STX1A: variants seen among roughly 807,000 people sequenced by gnomAD.
STX1A encodes the protein syntaxin 1A.
In STX1A, 4 loss-of-function variants were observed where a neutral mutation model predicts 37.8. The observed-to-expected ratio is 0.11, with a 90% CI of 0.05 to 0.24. STX1A has a LOEUF of 0.24. Ranked by LOEUF, STX1A falls within the 10% of genes least tolerant of loss-of-function variation. The pLI is 1.00. For synonymous variants in STX1A, 135 were observed against 147.4 expected (o/e 0.92, Z 0.61); for missense variants, 251 against 399.9 (o/e 0.63, Z 3.18).
intron 1 of STX1A, among the ~76,000 whole-genome samples, chr7:73,714,883 G>C (rs543813888): frequency 6.6e-6 from 1 of 152,064 alleles, no homozygotes; most frequent in Non-Finnish European, 1.5e-5. Context: ...CCAGCACTTC[G>C]GGAGGCCAAG....
intron 2 of STX1A, 104 bp downstream of exon 2, chr7:73,708,941 G>C: frequency 7.8e-7 from 1 of 1,289,762 alleles, no homozygotes; most frequent in South Asian, 1.2e-5. Context: ...CGGAGCTGCT[G>C]AGCCAGGTGC....
In STX1A at chr7:73,702,192, T is replaced by C. The variant is rs1798684004; in HGVS notation, c.678+653A>G. 6.6e-6 allele frequency among the ~76,000 whole-genome samples: 1 copy of C among 152,164 alleles called. No homozygotes were observed. The highest frequency in any genetic ancestry group is 1.5e-5 in the Non-Finnish European group (1 of 68,018). On this transcript the variant is annotated intron_variant, in intron 8 of 9. Transcript: ENST00000222812. This position sits in a 1 kb window ranked among gnomAD's most constrained non-coding sequence, Gnocchi z 4.7. ...CAGCTGGCTCCTTTTCCCCCTTTTT[T>C]GGCATCAGCTCAAATGTCCCCTCCT...
At chr7:73,707,452 G>T (rs1554617163) in intron 3 of STX1A, among the ~76,000 whole-genome samples, 1 of 152,154 alleles carries the variant, frequency 6.6e-6, no homozygotes, top group African/African-American at 2.4e-5. Context: ...CCCTCCCACA[G>T]CGCTGACGAC....
Position 73,705,129 on chromosome 7 carries a change from C to T in STX1A, c.283+21G>A, listed in dbSNP as rs182247469. 134 of 1,613,138 alleles carry T rather than the reference C, an allele frequency of 8.3e-5. 1 individual carries two copies. Among genetic ancestry groups the T allele is most frequent in the Middle Eastern group, 6.6e-4 (4 of 6,058 alleles). ...CAGGCCTAGAATGCCCCCCACCCAC[C>T]CCCAGACAAGCCTGACTCACTCTTT... On this transcript the variant is annotated intron_variant, in intron 4 of 9. Transcript: ENST00000222812. The surrounding 1 kb of genome is among the most constrained non-coding windows in gnomAD (Gnocchi z 5.2).
rs1225244729 is a variant in STX1A, at chr7:73,709,600, G to A, written c.31-478C>T. ...GTCTTGCTGTGTCACCCAGGCTGGAGTGCAGGGGTGCAATCACAGCTCACT... is the reference window on the plus strand; with the variant it reads ...GTCTTGCTGTGTCACCCAGGCTGGAATGCAGGGGTGCAATCACAGCTCACT... On this transcript the variant is annotated intron_variant, in intron 1 of 9. Coordinates refer to ENST00000222812, the MANE Select transcript of STX1A (RefSeq NM_004603.4). The surrounding 1 kb of genome is among the most constrained non-coding windows in gnomAD (Gnocchi z 4.2). 6.6e-6 allele frequency among the ~76,000 whole-genome samples: 1 copy of A among 152,288 alleles called. No individual in the cohort carries two copies. Among genetic ancestry groups the A allele is most frequent in the East Asian group, 1.9e-4 (1 of 5,178 alleles).
chr7:73,705,536 G>A lies in STX1A; in HGVS notation c.209-312C>T, dbSNP rs532405161. 177 of 332,328 alleles carry A rather than the reference G, an allele frequency of 5.3e-4. No individual in the cohort carries two copies. Among genetic ancestry groups the A allele is most frequent in the African/African-American group, 3.2e-3 (152 of 46,868 alleles). The allele number at this position is 332,328 out of a possible 1,614,324, so 20.6% of individuals were successfully genotyped here. On this transcript the variant is annotated intron_variant, in intron 3 of 9. Coordinates refer to ENST00000222812, the MANE Select transcript of STX1A (RefSeq NM_004603.4). The surrounding 1 kb of genome is among the most constrained non-coding windows in gnomAD (Gnocchi z 5.2). ...CAGAAGTAATTGTGGAGCAGCTGGC[G>A]ATGCTGGAGTTGGCGCCGGGAACAG...
At chr7:73,714,306 C>A (rs1799208629) in intron 1 of STX1A, among the ~76,000 whole-genome samples, 1 of 152,122 alleles carries the variant, frequency 6.6e-6, no homozygotes, top group African/African-American at 2.4e-5. Context: ...CGGGGTTTCA[C>A]CATGTTGGCC....
At chr7:73,710,921 T>A (rs73364306) in intron 1 of STX1A, among the ~76,000 whole-genome samples, 27 of 152,246 alleles carry the variant, frequency 1.8e-4, no homozygotes, top group African/African-American at 6.5e-4. Flanking sequence ...CAGTGACACC[T>A]GGCTGCATGG....
intron 4 of STX1A, chr7:73,704,879 A>G: frequency 1.8e-6 from 1 of 563,364 alleles, no homozygotes; most frequent in Non-Finnish European, 3.2e-6. Flanking sequence ...CACTTCTTCA[A>G]CCCTCTTTAG....
intron 2 of STX1A, 58 bp from the exon 3 acceptor site, chr7:73,708,746 C>A: frequency 1.3e-6 from 2 of 1,559,824 alleles, no homozygotes; most frequent in Non-Finnish European, 1.7e-6. Context: ...CCTTCTGGGG[C>A]CCAGAGATGG....
Position 73,700,786 on chromosome 7 carries a change from C to G in STX1A, c.733G>C (p.Glu245Gln). ...YNVEHAVDYV[E>Q]RAVSDTKKAV... The stretch of plus-strand genomic sequence containing the variant: ...TTCTTGGTGTCAGACACGGCCCTCT[C>G]CACATAGTCTACCGCGTGTTCCACA... The change falls in exon 9 of 10, where the codon GAG becomes CAG. Residue 245 changes from glutamate (E) to glutamine (Q), a missense_variant. Glu to Gln is a conservative substitution (Grantham distance 29). Transcript: ENST00000222812. This position sits in a 1 kb window ranked among gnomAD's most constrained non-coding sequence, Gnocchi z 4.4. The G allele has an allele frequency of 1.2e-6, 2 of 1,613,852 alleles. No individual in the cohort carries two copies. The highest frequency in any genetic ancestry group is 1.3e-5 in the African/African-American group (1 of 74,988).
chr7:73,705,003 C>G lies in STX1A; in HGVS notation c.283+147G>C, dbSNP rs1798819037. 1.3e-6 allele frequency: 1 copy of G among 798,166 alleles called. No individual in the cohort carries two copies. 49.4% of individuals were successfully genotyped at this position (798,166 alleles called of 1,614,324 possible). ...GGCACCAACGGGCCTTGCCAAGTAG[C>G]TGCTGAGTGAATGGGCACATGACGC... is the stretch of plus-strand genomic sequence containing the variant. On this transcript the variant is annotated intron_variant, in intron 4 of 9. Transcript: ENST00000222812. This position sits in a 1 kb window ranked among gnomAD's most constrained non-coding sequence, Gnocchi z 5.2.
At chr7:73,712,014 C>A (rs782354086) in intron 1 of STX1A, among the ~76,000 whole-genome samples, 2 of 152,114 alleles carry the variant, frequency 1.3e-5, no homozygotes, top group Non-Finnish European at 2.9e-5. Flanking sequence ...GAGATGCCCG[C>A]ATCCTCCTCT....
chr7:73,718,254 C>T (rs1270167172), intron 1 of STX1A, among the ~76,000 whole-genome samples: 1 of 152,156 alleles, frequency 6.6e-6, no homozygotes, highest in Non-Finnish European at 1.5e-5. Context: ...GGGCTGGGCG[C>T]TCGGCCAGGA....
intron 6 of STX1A, 76 bp from the exon 7 acceptor site, chr7:73,703,904 C>T (rs913746880): frequency 7.5e-5 from 112 of 1,498,386 alleles, no homozygotes; most frequent in Non-Finnish European, 9.8e-5. Context: ...CCGCCCCCTC[C>T]GTCCCAGGCC....
intron 1 of STX1A, among the ~76,000 whole-genome samples, chr7:73,715,836 G>A (rs149784982): frequency 1.1e-3 from 164 of 152,344 alleles, no homozygotes; most frequent in African/African-American, 3.6e-3. Flanking sequence ...GCCCGGAGCT[G>A]AGTCAGGGGT....
intron 7 of STX1A, chr7:73,703,381 C>T: frequency 1.7e-6 from 1 of 575,094 alleles, no homozygotes; most frequent in Non-Finnish European, 3.3e-6. Context: ...ACTCACAGCC[C>T]CAAGCCTGCC....
intron 1 of STX1A, among the ~76,000 whole-genome samples, chr7:73,718,621 C>A (rs1022273711): frequency 2.6e-5 from 4 of 151,984 alleles, no homozygotes; most frequent in Non-Finnish European, 5.9e-5. Context: ...ATCCACCCCC[C>A]CTCCCCGACA....
rs200215677 is a variant in STX1A, at chr7:73,709,134, T to C, written c.31-12A>G. 3.1e-6 allele frequency: 5 copies of C among 1,611,698 alleles called. No individual in the cohort carries two copies. Among genetic ancestry groups the C allele is most frequent in the Admixed American group, 3.3e-5 (2 of 60,018 alleles). On this transcript the variant is annotated splice_polypyrimidine_tract_variant and intron_variant, in intron 1 of 9. Transcript: ENST00000222812. This position sits in a 1 kb window ranked among gnomAD's most constrained non-coding sequence, Gnocchi z 4.2. The stretch of plus-strand genomic sequence containing the variant: ...TCGCTGTCCTTGGCCTGTGCGGGGT[T>C]GTGCACACATAAGTGGACGTATGTA...
Sources: allele counts gnomAD v4.1 joint callset (sites outside exome capture counted in the v4.1 genomes callset), GRCh38; gene constraint gnomAD v4.1.1; non-coding constraint Gnocchi (gnomAD v3.1); transcripts MANE v1.5; gene names NCBI Gene and HGNC (gene_info 2026-07-23, HGNC 2026-07-21).